SEMA4D: variants seen among roughly 807,000 people sequenced by gnomAD.
SEMA4D encodes semaphorin 4D.
A neutral mutation model predicts 74.8 loss-of-function variants in SEMA4D; 22 were observed. The ratio of observed to expected loss-of-function variants is 0.29; its 90% CI spans 0.21 to 0.42. The LOEUF is 0.42. Ranked by LOEUF, SEMA4D falls within the 10% of genes least tolerant of loss-of-function variation. The probability of loss-of-function intolerance (pLI) is 1.00; values close to 1 mark genes in which losing one functional copy is unlikely to be tolerated. For missense variants in SEMA4D, 937 were observed against 1,118.4 expected (o/e 0.84, Z 2.31); for synonymous variants, 445 against 463.7 (o/e 0.96, Z 0.52).
intron 13 of SEMA4D, among the ~76,000 whole-genome samples, chr9:89,382,741 C>A (rs1387472519): frequency 6.6e-6 from 1 of 152,232 alleles, no homozygotes; most frequent in African/African-American, 2.4e-5. Flanking sequence ...TGGGTAACTT[C>A]CAAGGGACAG....
At chr9:89,385,688 C>G in intron 13 of SEMA4D, 1 of 537,184 alleles carries the variant, frequency 1.9e-6, no homozygotes, top group Non-Finnish European at 2.4e-6. Flanking sequence ...GGGGTGTTTG[C>G]AAATACGCAC....
rs748865781 is a variant in SEMA4D at position 89,387,395 on chromosome 9, C to A, written c.1321G>T (p.Val441Phe). ...AGCCCTCGGAACCCACCTGTGCTGA[C>A]AAACATGACATCATAGACAGTCCCA... ...LDGTVYDVMF[V>F]STDRGALHKA... The change falls in exon 12 of 16, where the codon GTC becomes TTC. Residue 441 changes from valine to phenylalanine, a missense_variant. Val to Phe is a conservative substitution (Grantham distance 50). Coordinates refer to ENST00000422704, the MANE Select transcript of SEMA4D (RefSeq NM_001371194.2). 5 of 1,609,346 alleles carry A rather than the reference C, an allele frequency of 3.1e-6. No homozygotes were observed. Among genetic ancestry groups the A allele is most frequent in the Non-Finnish European group, 4.3e-6 (5 of 1,176,040 alleles).
At chr9:89,405,180 C>G (rs1843073546) in intron 3 of SEMA4D, among the ~76,000 whole-genome samples, 171 bp downstream of exon 3, 1 of 150,958 alleles carries the variant, frequency 6.6e-6, no homozygotes. Flanking sequence ...CCGTCCTCAG[C>G]CACTCACCTC....
chr9:89,448,979 G>C lies in SEMA4D; in HGVS notation c.-244+6909C>G, dbSNP rs187484671. ...CATCACAAACCATCACTGACCTGCA[G>C]GCTGAGCACGCCCATTGATGCATTC... On this transcript the variant is annotated intron_variant, in intron 2 of 15. Transcript: ENST00000422704. Among the ~76,000 whole-genome samples, 11 of 152,312 alleles carry C rather than the reference G, an allele frequency of 7.2e-5. No individual in the cohort carries two copies. The East Asian group carries it at 2.1e-3, about 29-fold the overall frequency.
rs567756766 is a variant in SEMA4D at position 89,426,072 on chromosome 9, C to A, written c.-243-20373G>T. 7.9e-4 allele frequency among the ~76,000 whole-genome samples: 121 copies of A among 152,356 alleles called. 1 individual carries two copies. The highest frequency in any genetic ancestry group is 2.8e-3 in the African/African-American group (117 of 41,592). On this transcript the variant is annotated intron_variant, in intron 2 of 15. Coordinates refer to ENST00000422704, the MANE Select transcript of SEMA4D (RefSeq NM_001371194.2). ...CCCTGCACTCAGAGGCATCCCTAGT[C>A]CCCACCAAGTGTCCGCAGGGGGAGC...
At position 89,392,532 on chromosome 9, in the gene SEMA4D, T is replaced by C; in HGVS notation, c.513A>G (p.Gly171=). 1.9e-6 allele frequency: 3 copies of C among 1,610,212 alleles called. No homozygotes were observed. Among genetic ancestry groups the C allele is most frequent in the Non-Finnish European group, 2.5e-6 (3 of 1,176,496 alleles). ...AHSYTSVMVD[G]ELYSGTSYNF... ...TATACGACGTCCCCGAATAAAGTTCTCCATCTGCAGGGGCCCAGAAGAAAA... is the reference window on the plus strand; with the variant it reads ...TATACGACGTCCCCGAATAAAGTTCCCCATCTGCAGGGGCCCAGAAGAAAA... The change falls in exon 8 of 16, where the codon GGA becomes GGG. Residue 171 remains glycine, a synonymous_variant. Coordinates refer to ENST00000422704, the MANE Select transcript of SEMA4D (RefSeq NM_001371194.2).
At chr9:89,366,652 A>C (rs565457179) in intron 16 of SEMA4D, among the ~76,000 whole-genome samples, 2 of 152,250 alleles carry the variant, frequency 1.3e-5, no homozygotes, top group African/African-American at 4.8e-5. Context: ...ATATGTCTCT[A>C]TGTACATCTA....
chr9:89,441,391 C>G (rs1223891699), intron 2 of SEMA4D, among the ~76,000 whole-genome samples: 1 of 152,258 alleles, frequency 6.6e-6, no homozygotes, highest in Non-Finnish European at 1.5e-5. Flanking sequence ...TCCAGGCAGA[C>G]AGAACAGCAG....
intron 1 of SEMA4D, among the ~76,000 whole-genome samples, chr9:89,468,485 A>T (rs2135893929): frequency 6.6e-6 from 1 of 152,298 alleles, no homozygotes; most frequent in South Asian, 2.1e-4. Flanking sequence ...TGACTCACCA[A>T]ATAAAAAGTG....
At chr9:89,374,104 C>T (rs751692403), downstream of SEMA4D, among the ~76,000 whole-genome samples, 5 of 152,186 alleles carry the variant, frequency 3.3e-5, no homozygotes, top group Non-Finnish European at 4.4e-5. Flanking sequence ...AACAAGTGAA[C>T]GAGAATGTCC....
intron 1 of SEMA4D, among the ~76,000 whole-genome samples, chr9:89,491,634 G>A (rs183087610): frequency 6.6e-6 from 1 of 152,212 alleles, no homozygotes; most frequent in Non-Finnish European, 1.5e-5. Flanking sequence ...AGTTCCAGAT[G>A]CCAGGGAGAC....
At position 89,386,456 on chromosome 9, in the gene SEMA4D, T is replaced by C. The variant is rs768704203; in HGVS notation, c.1357A>G (p.Ser453Gly). Residue 453 changes from serine (S) to glycine (G), a missense_variant, in exon 13 of 16, where the codon AGC (serine) becomes GGC (glycine). Ser to Gly is a moderately conservative substitution (Grantham distance 56). Coordinates refer to ENST00000422704, the MANE Select transcript of SEMA4D (RefSeq NM_001371194.2). Reference protein sequence around the residue: ...TDRGALHKAISLEHAVHIIEE... With the variant: ...TDRGALHKAIGLEHAVHIIEE... ...ATGATGTGAACAGCGTGCTCGAGGC[T>C]GATGGCTTTGTGCAGAGCTCCCCGG... 8 of 1,614,098 alleles carry C rather than the reference T, an allele frequency of 5.0e-6. No individual in the cohort carries two copies. Among genetic ancestry groups the C allele is most frequent in the Non-Finnish European group, 6.8e-6 (8 of 1,179,950 alleles).
intron 2 of SEMA4D, chr9:89,450,687 A>AAAAAAAAAAAAAAAAT: frequency 1.0e-6 from 1 of 982,320 alleles, no homozygotes; most frequent in Non-Finnish European, 1.5e-6. Flanking sequence ...AAAAAAAAAA[A>AAAAAAAAAAAAAAAAT]GGCCTCCAAG....
At position 89,405,646 on chromosome 9, in the gene SEMA4D, A is replaced by G. The variant is rs1359617745; in HGVS notation, c.-190T>C. ...CTCCAGGTGAGGAGGGGTCGCTCTCACCACCGCAATGTCAAAGCCCACTTG... is the reference window on the plus strand; with the variant it reads ...CTCCAGGTGAGGAGGGGTCGCTCTCGCCACCGCAATGTCAAAGCCCACTTG... On this transcript the variant is annotated 5_prime_UTR_variant, in exon 3 of 16. Transcript: ENST00000422704. The G allele has an allele frequency of 2.8e-6, 4 of 1,427,060 alleles. No homozygotes were observed. Among genetic ancestry groups the G allele is most frequent in the Middle Eastern group, 2.6e-4 (1 of 3,900 alleles). The allele number at this position is 1,427,060 out of a possible 1,614,324, so 88.4% of individuals were successfully genotyped here. A position where few individuals can be genotyped will look rare whatever the true frequency, so the allele number is the denominator to read the frequency against.
Position 89,379,243 on chromosome 9 carries a change from T to A in SEMA4D, c.2050A>T (p.Thr684Ser). ...GAGGAGGTGGCCTGCACGGCTGGGG[T>A]TGGGGGAGAAGACCCTTGGGTGGAT... ...VASTQGSSPPTPAVQATSSGA... is the reference protein window; with the variant it reads ...VASTQGSSPPSPAVQATSSGA... The change falls in exon 16 of 16, where the codon ACC becomes TCC. Residue 684 changes from threonine (T) to serine (S), a missense_variant. By Grantham distance (58) the Thr-to-Ser change is moderately conservative. Transcript: ENST00000422704. 1.9e-6 allele frequency: 3 copies of A among 1,613,586 alleles called. No individual in the cohort carries two copies. The highest frequency in any genetic ancestry group is 2.5e-6 in the Non-Finnish European group (3 of 1,179,876).
chr9:89,472,911 T>C (rs566746180), intron 1 of SEMA4D, among the ~76,000 whole-genome samples: 78 of 151,646 alleles, frequency 5.1e-4, no homozygotes, highest in Middle Eastern at 6.8e-3. Flanking sequence ...CTGGGCAACA[T>C]AGTGAGACCC....
intron 16 of SEMA4D, among the ~76,000 whole-genome samples, chr9:89,369,734 C>T (rs1834246006): frequency 6.6e-6 from 1 of 152,374 alleles, no homozygotes; most frequent in African/African-American, 2.4e-5. Flanking sequence ...GAGCAGAGCT[C>T]GGCTGCATGC....
chr9:89,425,072 C>A (rs915605232), intron 2 of SEMA4D, among the ~76,000 whole-genome samples: 2 of 152,168 alleles, frequency 1.3e-5, no homozygotes, highest in Admixed American at 6.5e-5. Flanking sequence ...CCCAGCCCCC[C>A]AGATATTCTG....
chr9:89,378,747 T>G lies in SEMA4D; in HGVS notation c.2546A>C (p.Lys849Thr), dbSNP rs745812610. Residue 849 changes from lysine to threonine, a missense_variant, in exon 16 of 16, where the codon AAG becomes ACG. Lys to Thr is a moderately conservative substitution (Grantham distance 78). Coordinates refer to ENST00000422704, the MANE Select transcript of SEMA4D (RefSeq NM_001371194.2). ...TGAGTCAGCGAACTTCAGCTCACAC[T>G]TGACGTCAAAGGGCTTGTCCCTGGC... ...LSARDKPFDVKCELKFADSDA... is the reference protein window; with the variant it reads ...LSARDKPFDVTCELKFADSDA... 5 of 1,614,204 alleles carry G rather than the reference T, an allele frequency of 3.1e-6. No homozygotes were observed. The highest frequency in any genetic ancestry group is 4.2e-6 in the Non-Finnish European group (5 of 1,180,040).
Sources: gnomAD v4.1 joint callset for allele counts (sites outside exome capture counted in the v4.1 genomes callset) on GRCh38, gnomAD v4.1.1 for gene constraint, MANE v1.5 for transcripts, NCBI Gene and HGNC (gene_info 2026-07-23, HGNC 2026-07-21) for gene names.